RBFOX1: variants seen among roughly 807,000 people sequenced by gnomAD.
RBFOX1 encodes the protein RNA binding fox-1 homolog 1.
In RBFOX1, 8 loss-of-function variants were observed where a neutral mutation model predicts 57.7. The observed-to-expected ratio is 0.14, with a 90% CI of 0.08 to 0.25. The LOEUF is 0.25. Among genes scored for constraint, RBFOX1 ranks in the 10% least tolerant of loss-of-function variants. The pLI is 1.00. For synonymous variants in RBFOX1, 326 were observed against 222.4 expected (o/e 1.47, Z -4.15); for missense variants, 611 against 548.5 (o/e 1.11, Z -1.14).
Position 7,192,794 on chromosome 16 carries a change from T to C in RBFOX1, c.27+140696T>C, listed in dbSNP as rs1427592072. On this transcript the variant is annotated intron_variant, in intron 4 of 15. Transcript: ENST00000550418. ...CTGTGAGTCTAAAAGCATTTCAAAA[T>C]AAATACAACATTTTTAAAAAGTAAA... Among the ~76,000 whole-genome samples the C allele has an allele frequency of 3.9e-5, 6 of 152,168 alleles. No individual in the cohort carries two copies. The East Asian group carries it at 1.2e-3, about 29-fold the overall frequency.
intron 3 of RBFOX1, among the ~76,000 whole-genome samples, chr16:5,656,385 C>T (rs1434326320): frequency 6.6e-6 from 1 of 152,184 alleles, no homozygotes; most frequent in Non-Finnish European, 1.5e-5. Context: ...GCAACTCTCT[C>T]ACATTCATTT....
rs565006456 is a variant in RBFOX1 at position 6,974,155 on chromosome 16, A to AT, written c.-15-77895dup. On this transcript the variant is annotated intron_variant, in intron 3 of 15. Coordinates refer to ENST00000550418, the MANE Select transcript of RBFOX1 (RefSeq NM_018723.4). ...GAATTCCGTGGTGTATATGTACCAC[A>AT]TTTTTTTATTAATCCAGTCTATCAT... is the stretch of plus-strand genomic sequence containing the variant. Among the ~76,000 whole-genome samples, 11 of 152,032 alleles carry AT rather than the reference A, an allele frequency of 7.2e-5. No homozygotes were observed. In the South Asian group the frequency reaches 1.5e-3, roughly 20 times the overall value.
chr16:7,621,338 G>A (rs2059288841), intron 10 of RBFOX1, among the ~76,000 whole-genome samples: 1 of 151,750 alleles, frequency 6.6e-6, no homozygotes, highest in Admixed American at 6.6e-5. Context: ...TCAGTTCATT[G>A]CAACCTCTGC....
intron 3 of RBFOX1, among the ~76,000 whole-genome samples, chr16:6,882,851 C>T (rs1411214783): frequency 6.6e-6 from 1 of 152,072 alleles, no homozygotes; most frequent in African/African-American, 2.4e-5. Context: ...TATGTTCACC[C>T]CCAGGAGTGA....
intron 3 of RBFOX1, among the ~76,000 whole-genome samples, chr16:5,649,107 TTA>T (rs1012491242): frequency 2.0e-5 from 3 of 151,580 alleles, no homozygotes; most frequent in East Asian, 1.9e-4. Context: ...ATAAAAGCGA[TTA>T]TATATATATA....
intron 4 of RBFOX1, among the ~76,000 whole-genome samples, chr16:7,257,995 ACT>A (rs1464100177): frequency 6.6e-6 from 1 of 152,078 alleles, no homozygotes; most frequent in East Asian, 1.9e-4. Flanking sequence ...TATCGACACA[ACT>A]CTGACATTTG....
At chr16:5,849,210 T>C (rs898953296) in intron 3 of RBFOX1, among the ~76,000 whole-genome samples, 2 of 152,104 alleles carry the variant, frequency 1.3e-5, no homozygotes, top group African/African-American at 4.8e-5. Context: ...TTAACTCATA[T>C]TTCTAATTTT....
At chr16:7,301,864 C>T (rs562814301) in intron 4 of RBFOX1, among the ~76,000 whole-genome samples, 1 of 152,186 alleles carries the variant, frequency 6.6e-6, no homozygotes, top group South Asian at 2.1e-4. Flanking sequence ...GCCTTTTATT[C>T]CATTCGTGTT....
intron 4 of RBFOX1, among the ~76,000 whole-genome samples, chr16:5,903,601 G>C (rs1397803381): frequency 6.6e-6 from 1 of 152,052 alleles, no homozygotes; most frequent in African/African-American, 2.4e-5. Flanking sequence ...CCGTGGGAGT[G>C]GTTTGCCCCC....
chr16:5,914,285 A>T (rs1316719577), intron 4 of RBFOX1, among the ~76,000 whole-genome samples: 1 of 152,222 alleles, frequency 6.6e-6, no homozygotes, highest in East Asian at 1.9e-4. Context: ...TAAAATAAGA[A>T]ATTTTTATTA....
chr16:6,979,065 A>C (rs748676361), intron 3 of RBFOX1, among the ~76,000 whole-genome samples: 1 of 152,172 alleles, frequency 6.6e-6, no homozygotes, highest in Non-Finnish European at 1.5e-5. Context: ...GCTAGAGAGA[A>C]TCTGTATAAA....
chr16:7,149,623 T>G (rs1012717718), intron 4 of RBFOX1, among the ~76,000 whole-genome samples: 3 of 151,766 alleles, frequency 2.0e-5, no homozygotes, highest in African/African-American at 7.3e-5. Context: ...GTAGCTGGGA[T>G]TACAGGTGCA....
intron 1 of RBFOX1, among the ~76,000 whole-genome samples, chr16:6,311,906 A>G (rs2080363788): frequency 6.6e-6 from 1 of 152,158 alleles, no homozygotes; most frequent in Non-Finnish European, 1.5e-5. Context: ...CCTGAGTGGT[A>G]TCAAGCAACC....
chr16:7,356,834 A>G (rs1000323802), intron 4 of RBFOX1, among the ~76,000 whole-genome samples: 1 of 152,186 alleles, frequency 6.6e-6, no homozygotes, highest in Non-Finnish European at 1.5e-5. Context: ...TAGTGGACTT[A>G]CTATTATGCG....
At chr16:6,957,225 G>A (rs552729793) in intron 3 of RBFOX1, among the ~76,000 whole-genome samples, 5 of 151,012 alleles carry the variant, frequency 3.3e-5, no homozygotes, top group South Asian at 2.1e-4. Context: ...TCCGCCTCCC[G>A]GGTTCACGCC....
intron 3 of RBFOX1, among the ~76,000 whole-genome samples, chr16:5,605,617 T>C (rs2047544662): frequency 1.3e-5 from 2 of 150,854 alleles, no homozygotes; most frequent in African/African-American, 4.9e-5. Flanking sequence ...CTGCCTTGGG[T>C]CTAGGAGGGG....
chr16:6,925,350 C>A (rs375136793), intron 3 of RBFOX1, among the ~76,000 whole-genome samples: 2 of 151,708 alleles, frequency 1.3e-5, no homozygotes, highest in East Asian at 3.9e-4. Context: ...GTCTTGAACT[C>A]CTGACCTCAG....
intron 3 of RBFOX1, among the ~76,000 whole-genome samples, chr16:6,900,272 G>A (rs186498528): frequency 1.3e-5 from 2 of 152,258 alleles, no homozygotes; most frequent in African/African-American, 2.4e-5. Context: ...AAGTCAATAT[G>A]TGTATTTCTC....
Position 7,546,440 on chromosome 16 carries a change from C to T in RBFOX1, c.270+28051C>T, listed in dbSNP as rs147615076. Among the ~76,000 whole-genome samples, 467 of 152,260 alleles carry T rather than the reference C, an allele frequency of 3.1e-3. 1 individual carries two copies. Among genetic ancestry groups the T allele is most frequent in the African/African-American group, 0.011 (437 of 41,552 alleles). The stretch of plus-strand genomic sequence containing the variant: ...GTTGCAGATCAAGAAACTAATACAA[C>T]GCAATCCCTTATGGTGTGCTTAAAC... On this transcript the variant is annotated intron_variant, in intron 5 of 15. Transcript: ENST00000550418.
Sources: allele counts gnomAD v4.1 joint callset (sites outside exome capture counted in the v4.1 genomes callset), GRCh38; gene constraint gnomAD v4.1.1; transcripts MANE v1.5; gene names NCBI Gene and HGNC (gene_info 2026-07-23, HGNC 2026-07-21).